NXPE2: variants seen among roughly 807,000 people sequenced by gnomAD.
NXPE2 encodes the protein NXPE family member 2.
NXPE2 carries 34 observed loss-of-function variants against 34.4 expected under a neutral mutation model. That is an observed-to-expected ratio of 0.99 (90% CI 0.75 to 1.31). NXPE2 has a LOEUF of 1.31. Ranked by LOEUF, NXPE2 falls within the 40% of genes most tolerant of loss-of-function variation. The pLI is 0.00. For missense variants in NXPE2, 649 were observed against 672.5 expected, an observed-to-expected ratio of 0.97 and a Z score of 0.39; for synonymous variants, 235 against 231.3, an observed-to-expected ratio of 1.02 and a Z score of -0.15.
chr11:114,655,032 A>G, the NXPE2 span, among the ~76,000 whole-genome samples: 4 of 152,344 alleles, frequency 2.6e-5, no homozygotes, highest in South Asian at 8.3e-4. Flanking sequence ...GTGAGATAGT[A>G]TCTCATTGTG....
chr11:114,658,564 A>G, the NXPE2 span, among the ~76,000 whole-genome samples: 163 of 152,252 alleles, frequency 1.1e-3, no homozygotes, highest in African/African-American at 3.9e-3. Flanking sequence ...TCTTCTAAGA[A>G]CACTAAAGTG....
At chr11:114,470,986 G>C in the NXPE2 span, among the ~76,000 whole-genome samples, 1 of 152,152 alleles carries the variant, frequency 6.6e-6, no homozygotes, top group African/African-American at 2.4e-5. Context: ...AACCATGACA[G>C]GTTGTTTGTT....
At chr11:114,648,072 G>A in the NXPE2 span, among the ~76,000 whole-genome samples, 1 of 152,124 alleles carries the variant, frequency 6.6e-6, no homozygotes, top group African/African-American at 2.4e-5. Flanking sequence ...CATATATTGA[G>A]TCTTTGCCCT....
the NXPE2 span, among the ~76,000 whole-genome samples, chr11:114,722,974 A>C: frequency 6.6e-6 from 1 of 152,230 alleles, no homozygotes; most frequent in Non-Finnish European, 1.5e-5. Context: ...GTTGAGAAAA[A>C]AGGAACTTGC....
At chr11:114,800,652 T>TGAATAAATACTGAC in the NXPE2 span, among the ~76,000 whole-genome samples, 1 of 152,232 alleles carries the variant, frequency 6.6e-6, no homozygotes, top group Non-Finnish European at 1.5e-5. Context: ...TGTGATGTCA[T>TGAATAAATACTGAC]GAATAAATAC....
the NXPE2 span, among the ~76,000 whole-genome samples, chr11:114,630,090 T>C: frequency 1.2e-3 from 188 of 151,766 alleles, 4 homozygotes; most frequent in African/African-American, 4.3e-3. Context: ...AAAATGGCCA[T>C]ACTGCCCAAG....
chr11:114,478,769 G>C, the NXPE2 span, among the ~76,000 whole-genome samples: 5 of 152,136 alleles, frequency 3.3e-5, no homozygotes, highest in Non-Finnish European at 7.4e-5. Context: ...AACCAACCCT[G>C]CTTTGGAGAA....
At chr11:114,712,424 A>T in the NXPE2 span, among the ~76,000 whole-genome samples, 1 of 151,582 alleles carries the variant, frequency 6.6e-6, no homozygotes, top group Non-Finnish European at 1.5e-5. Flanking sequence ...CAGAATATGT[A>T]AAAAAACAAA....
the NXPE2 span, among the ~76,000 whole-genome samples, chr11:114,644,238 A>G: frequency 2.6e-5 from 4 of 152,092 alleles, no homozygotes; most frequent in African/African-American, 9.7e-5. Flanking sequence ...CTGTTCGAAT[A>G]CCTTTATTTC....
the NXPE2 span, among the ~76,000 whole-genome samples, chr11:114,518,823 A>C: frequency 6.6e-6 from 1 of 152,226 alleles, no homozygotes; most frequent in East Asian, 1.9e-4. Flanking sequence ...TATTGGATAC[A>C]AGGTGAGAGA....
chr11:114,618,956 G>A, the NXPE2 span, among the ~76,000 whole-genome samples: 27,249 of 151,798 alleles, frequency 0.18, 2,816 homozygotes, highest in Non-Finnish European at 0.22. Context: ...AAGTAGTACC[G>A]CATGGGTAAA....
chr11:114,811,191 G>C, the NXPE2 span, among the ~76,000 whole-genome samples: 2 of 119,066 alleles, frequency 1.7e-5, no homozygotes, highest in South Asian at 7.3e-4. Context: ...GTTGTGGGGT[G>C]GGGGGAGGGG....
At chr11:114,787,286 G>T in the NXPE2 span, among the ~76,000 whole-genome samples, 2 of 152,184 alleles carry the variant, frequency 1.3e-5, no homozygotes, top group Admixed American at 1.3e-4. Flanking sequence ...CAGGCAGGCT[G>T]GGAGGGGCAT....
chr11:114,515,371 C>T, the NXPE2 span, among the ~76,000 whole-genome samples: 10 of 152,102 alleles, frequency 6.6e-5, no homozygotes, highest in African/African-American at 2.2e-4. Flanking sequence ...AACAATTTTG[C>T]TTATTACTTC....
intron 2 of NXPE2, among the ~76,000 whole-genome samples, chr11:114,689,448 A>T (rs1951109652): frequency 6.6e-6 from 1 of 152,008 alleles, no homozygotes; most frequent in South Asian, 2.1e-4. Context: ...GTCTGAGTAG[A>T]TGCTTGGTAT....
chr11:114,658,932 A>C, the NXPE2 span, among the ~76,000 whole-genome samples: 2 of 152,204 alleles, frequency 1.3e-5, no homozygotes, highest in Non-Finnish European at 2.9e-5. Context: ...AGAAGGGACA[A>C]GGGCATGAAG....
the NXPE2 span, among the ~76,000 whole-genome samples, chr11:114,613,714 G>T: frequency 6.6e-6 from 1 of 151,902 alleles, no homozygotes; most frequent in African/African-American, 2.4e-5. Flanking sequence ...TTACCCAGCA[G>T]GTAATAAGTG....
At chr11:114,658,680 A>G in the NXPE2 span, among the ~76,000 whole-genome samples, 1 of 152,310 alleles carries the variant, frequency 6.6e-6, no homozygotes, top group African/African-American at 2.4e-5. Flanking sequence ...CTTCTTGAGG[A>G]AGGGCAGAAA....
the NXPE2 span, among the ~76,000 whole-genome samples, chr11:114,474,008 A>G: frequency 6.6e-6 from 1 of 152,180 alleles, no homozygotes; most frequent in Non-Finnish European, 1.5e-5. Context: ...AGAGAGAGTT[A>G]AAGATATATT....
Sources: allele counts gnomAD v4.1 joint callset (sites outside exome capture counted in the v4.1 genomes callset), GRCh38; gene constraint gnomAD v4.1.1; transcripts MANE v1.5; gene names NCBI Gene and HGNC (gene_info 2026-07-23, HGNC 2026-07-21).